SORCS3: variants seen among roughly 807,000 people sequenced by gnomAD.
The protein encoded by SORCS3 is sortilin related VPS10 domain containing receptor 3, also known as VPS10 domain-containing receptor SorCS3.
In SORCS3, 57 loss-of-function variants were observed where a neutral mutation model predicts 146.3. That is an observed-to-expected ratio of 0.39 (90% CI 0.31 to 0.49). SORCS3 has a LOEUF of 0.49. Ranked by LOEUF, SORCS3 falls within the 20% of genes least tolerant of loss-of-function variation. SORCS3 has a pLI of 0.92. For missense variants in SORCS3, 1,341 were observed against 1,575.5 expected (o/e 0.85, Z 2.52); for synonymous variants, 653 against 618.5 (o/e 1.06, Z -0.83).
chr10:105,079,421 A>T (rs2055608887), intron 5 of SORCS3, among the ~76,000 whole-genome samples: 1 of 152,198 alleles, frequency 6.6e-6, no homozygotes, highest in Admixed American at 6.5e-5. Flanking sequence ...TGAATATTTC[A>T]GGTGGAAAGG....
chr10:104,883,896 C>A (rs2018654556), intron 2 of SORCS3, among the ~76,000 whole-genome samples: 1 of 151,216 alleles, frequency 6.6e-6, no homozygotes, highest in Admixed American at 6.6e-5. Context: ...GTGGTGACTC[C>A]TGGGTTTTCT....
intron 11 of SORCS3, among the ~76,000 whole-genome samples, chr10:105,159,769 A>T (rs2056246290): frequency 6.6e-6 from 1 of 152,122 alleles, no homozygotes; most frequent in South Asian, 2.1e-4. Flanking sequence ...TCTCTCATCA[A>T]CCCAAAGCTC....
At chr10:104,692,793 T>C (rs1481916821) in intron 1 of SORCS3, among the ~76,000 whole-genome samples, 1 of 152,180 alleles carries the variant, frequency 6.6e-6, no homozygotes, top group East Asian at 1.9e-4. Flanking sequence ...AGAAAAAGCA[T>C]GTCTCTCTTC....
intron 20 of SORCS3, among the ~76,000 whole-genome samples, chr10:105,242,351 CATATATTTAT>C (rs1589705522): frequency 2.2e-5 from 2 of 91,892 alleles, no homozygotes; most frequent in South Asian, 3.4e-4. Context: ...TATATTTATA[CATATATTTAT>C]ATATATTTAT....
intron 7 of SORCS3, among the ~76,000 whole-genome samples, chr10:105,122,157 T>G (rs1008892569): frequency 1.3e-5 from 2 of 152,234 alleles, no homozygotes; most frequent in Non-Finnish European, 1.5e-5. Flanking sequence ...GAAGTTGGGC[T>G]GTTGACTGAA....
At chr10:104,939,041 G>C (rs1332097971) in intron 3 of SORCS3, among the ~76,000 whole-genome samples, 1 of 152,218 alleles carries the variant, frequency 6.6e-6, no homozygotes, top group Non-Finnish European at 1.5e-5. Context: ...CCCACCTTCT[G>C]TGTTCAGCAT....
chr10:104,842,860 G>A lies in SORCS3; in HGVS notation c.695+1G>A. 1 of 1,613,198 alleles carries A rather than the reference G, an allele frequency of 6.2e-7. No homozygotes were observed. Among genetic ancestry groups the A allele is most frequent in the Non-Finnish European group, 8.5e-7 (1 of 1,179,208 alleles). On this transcript the variant is annotated splice_donor_variant, in intron 2 of 26. Coordinates refer to ENST00000369701, the MANE Select transcript of SORCS3 (RefSeq NM_014978.3). LOFTEE classifies it high-confidence loss of function. Reference sequence around the variant, plus strand: ...GCGTGACTGAGAGTTCACTATGGAGGTAAGCAGATTAGAGATTCTTAAGGA... The same window carrying A: ...GCGTGACTGAGAGTTCACTATGGAGATAAGCAGATTAGAGATTCTTAAGGA...
chr10:105,150,150 C>A (rs1265129998), intron 9 of SORCS3, among the ~76,000 whole-genome samples: 1 of 151,972 alleles, frequency 6.6e-6, no homozygotes, highest in Non-Finnish European at 1.5e-5. Context: ...TTGAGGGGGT[C>A]AATAAACAAA....
chr10:104,741,363 G>A (rs543945004), intron 1 of SORCS3, among the ~76,000 whole-genome samples: 23 of 152,084 alleles, frequency 1.5e-4, no homozygotes, highest in Admixed American at 4.6e-4. Flanking sequence ...CCTGGCAGGC[G>A]TATCTGTCTC....
At chr10:105,087,632 A>T (rs1358607106) in intron 5 of SORCS3, among the ~76,000 whole-genome samples, 1 of 152,214 alleles carries the variant, frequency 6.6e-6, no homozygotes, top group African/African-American at 2.4e-5. Flanking sequence ...GGTAGATCAG[A>T]TTGTTTATTA....
Position 104,818,754 on chromosome 10 carries a change from C to T in SORCS3, c.628-24038C>T, listed in dbSNP as rs2017836803. ...GGATTTTCTGATTATTATCAACCTA[C>T]CTGAAGAGTAATCATGGGTTCCAGT... On this transcript the variant is annotated intron_variant, in intron 1 of 26. Coordinates refer to ENST00000369701, the MANE Select transcript of SORCS3 (RefSeq NM_014978.3). 3.3e-5 allele frequency among the ~76,000 whole-genome samples: 5 copies of T among 152,198 alleles called. No homozygotes were observed. The South Asian group carries it at 1.0e-3, about 32-fold the overall frequency.
At chr10:104,897,662 T>C (rs556049415) in intron 2 of SORCS3, among the ~76,000 whole-genome samples, 7 of 152,202 alleles carry the variant, frequency 4.6e-5, no homozygotes, top group Non-Finnish European at 7.3e-5. Flanking sequence ...TATGGAATGG[T>C]AGAGGAATTT....
At chr10:105,204,513 T>C (rs1231548604) in intron 16 of SORCS3, among the ~76,000 whole-genome samples, 1 of 152,156 alleles carries the variant, frequency 6.6e-6, no homozygotes, top group Non-Finnish European at 1.5e-5. Context: ...GGTACTAGAA[T>C]CATAATAGGT....
chr10:104,915,973 G>A (rs762620900), intron 3 of SORCS3, 41 bp downstream of exon 3: 2 of 1,484,320 alleles, frequency 1.3e-6, no homozygotes, highest in South Asian at 2.3e-5. Context: ...CTCCTGCTGG[G>A]TAGCTGTGCT....
intron 19 of SORCS3, among the ~76,000 whole-genome samples, chr10:105,222,725 C>G (rs949092696): frequency 2.3e-4 from 35 of 152,242 alleles, no homozygotes; most frequent in Admixed American, 9.2e-4. Context: ...AATGGAAGAG[C>G]CTTCCATACA....
intron 5 of SORCS3, among the ~76,000 whole-genome samples, chr10:105,043,949 G>A (rs550650131): frequency 6.6e-6 from 1 of 152,138 alleles, no homozygotes; most frequent in Admixed American, 6.5e-5. Flanking sequence ...ACACTTGCTT[G>A]CTATAACATG....
At chr10:104,754,158 G>A (rs912898405) in intron 1 of SORCS3, among the ~76,000 whole-genome samples, 11 of 152,130 alleles carry the variant, frequency 7.2e-5, no homozygotes, top group African/African-American at 1.9e-4. Context: ...CAGCTTACCC[G>A]TTTGTGATAA....
At chr10:104,819,766 A>G (rs2017851174) in intron 1 of SORCS3, among the ~76,000 whole-genome samples, 1 of 152,216 alleles carries the variant, frequency 6.6e-6, no homozygotes, top group Non-Finnish European at 1.5e-5. Context: ...TGCCAGGTGC[A>G]TGGCCTGGAG....
At chr10:105,140,237 G>C (rs2056085962) in intron 8 of SORCS3, among the ~76,000 whole-genome samples, 1 of 152,164 alleles carries the variant, frequency 6.6e-6, no homozygotes, top group Non-Finnish European at 1.5e-5. Context: ...TATTATGAAA[G>C]ACTAAATGAG....
Sources: gnomAD v4.1 joint callset for allele counts (sites outside exome capture counted in the v4.1 genomes callset) on GRCh38, gnomAD v4.1.1 for gene constraint, MANE v1.5 for transcripts, NCBI Gene and HGNC (gene_info 2026-07-23, HGNC 2026-07-21) for gene names.